Variants in TEKT5 observed in about 807,000 individuals in gnomAD.
TEKT5 encodes tektin 5.
TEKT5 carries 52 observed loss-of-function variants against 48.7 expected under a neutral mutation model. The ratio of observed to expected loss-of-function variants is 1.07; its 90% CI spans 0.86 to 1.35. TEKT5 has a LOEUF of 1.35. Among genes scored for constraint, TEKT5 ranks in the 40% most tolerant of loss-of-function variants. The probability of loss-of-function intolerance (pLI) is 0.00; values close to 1 mark genes in which losing one functional copy is unlikely to be tolerated. For missense variants in TEKT5, 831 were observed against 641.6 expected (o/e 1.30, Z -3.19); for synonymous variants, 318 against 267.6 (o/e 1.19, Z -1.84).
intron 5 of TEKT5, among the ~76,000 whole-genome samples, chr16:10,673,479 G>A (rs1898584961): frequency 6.6e-6 from 1 of 152,038 alleles, no homozygotes; most frequent in South Asian, 2.1e-4. Context: ...AATAGTTCAT[G>A]AAAGATAAAG....
chr16:10,682,049 C>T lies in TEKT5; in HGVS notation c.807G>A (p.Leu269=). ...AQCIDEKCFN[L]RNTSDCISFF... ...AGCTGATGCAGTCTGACGTATTTCT[C>T]AGGTTAAAGCACTTCTCATCGATAC... The change falls in exon 4 of 7, where the codon CTG becomes CTA. Residue 269 remains leucine (L), a synonymous_variant. Transcript: ENST00000283025. 1 of 1,614,192 alleles carries T rather than the reference C, an allele frequency of 6.2e-7. No homozygotes were observed.
At chr16:10,644,627 C>G (rs1898043309) in intron 5 of TEKT5, among the ~76,000 whole-genome samples, 2 of 152,104 alleles carry the variant, frequency 1.3e-5, no homozygotes, top group South Asian at 4.2e-4. Context: ...GTCTCCAGAC[C>G]CTATGGGGGC....
intron 5 of TEKT5, among the ~76,000 whole-genome samples, chr16:10,673,671 G>A: frequency 1.6e-5 from 2 of 123,138 alleles, no homozygotes; most frequent in South Asian, 2.7e-4. Context: ...TTTTTTTTGA[G>A]ACAGATTCTC....
Position 10,627,814 on chromosome 16 carries a change from G to T in TEKT5, c.1242-15C>A. On this transcript the variant is annotated splice_polypyrimidine_tract_variant and intron_variant, in intron 6 of 6. Transcript: ENST00000283025. ...CGTTCACCAGCCTGGGGTGAGGGCA[G>T]AGGAGAAGGCACAGGTTATTCATTT... 6.2e-7 allele frequency: 1 copy of T among 1,609,596 alleles called. No individual in the cohort carries two copies. The highest frequency in any genetic ancestry group is 8.5e-7 in the Non-Finnish European group (1 of 1,176,084).
chr16:10,649,570 G>A (rs932043131), intron 5 of TEKT5, among the ~76,000 whole-genome samples: 1 of 151,686 alleles, frequency 6.6e-6, no homozygotes, highest in Non-Finnish European at 1.5e-5. Flanking sequence ...GAGTAGCTAG[G>A]ACTACAGACG....
intron 6 of TEKT5, among the ~76,000 whole-genome samples, chr16:10,633,550 C>A (rs1897870246): frequency 6.6e-6 from 1 of 152,074 alleles, no homozygotes; most frequent in Non-Finnish European, 1.5e-5. Context: ...ACCTAGCAAG[C>A]CAGCAGCAGG....
At position 10,668,234 on chromosome 16, in the gene TEKT5, G is replaced by C. The variant is rs539604355; in HGVS notation, c.1086+7725C>G. ...TTCTATTGCTTTCCAAAGCTTCTAAGCCTGAGGCCTGATGCCTTTGTTAGA... is the reference window on the plus strand; with the variant it reads ...TTCTATTGCTTTCCAAAGCTTCTAACCCTGAGGCCTGATGCCTTTGTTAGA... On this transcript the variant is annotated intron_variant, in intron 5 of 6. Coordinates refer to ENST00000283025, the MANE Select transcript of TEKT5 (RefSeq NM_144674.2). Among the ~76,000 whole-genome samples, 237 of 152,258 alleles carry C rather than the reference G, an allele frequency of 1.6e-3. 1 individual carries two copies. Among genetic ancestry groups the C allele is most frequent in the African/African-American group, 5.5e-3 (228 of 41,552 alleles).
chr16:10,634,253 A>C (rs1040778731), intron 6 of TEKT5, among the ~76,000 whole-genome samples: 1 of 152,322 alleles, frequency 6.6e-6, no homozygotes, highest in African/African-American at 2.4e-5. Flanking sequence ...ACTCAAAAGA[A>C]GTTCAAGGGA....
chr16:10,687,668 G>A (rs1481635564), intron 3 of TEKT5, among the ~76,000 whole-genome samples: 4 of 152,242 alleles, frequency 2.6e-5, no homozygotes, highest in Admixed American at 6.5e-5. Context: ...CAGGAGAAAC[G>A]CATGAATCTG....
chr16:10,685,511 G>T (rs1001748844), intron 3 of TEKT5, among the ~76,000 whole-genome samples: 21 of 152,080 alleles, frequency 1.4e-4, no homozygotes, highest in African/African-American at 4.8e-4. Flanking sequence ...TGGCCAGACT[G>T]GTCTCGAACT....
chr16:10,629,756 C>T (rs1305477494), intron 6 of TEKT5, among the ~76,000 whole-genome samples: 1 of 56,520 alleles, frequency 1.8e-5, no homozygotes, highest in East Asian at 5.3e-4. Flanking sequence ...TCCCTGCCAG[C>T]GGCCACAGAC....
Position 10,659,151 on chromosome 16 carries a change from CCT to C in TEKT5, c.1086+16806_1086+16807del, listed in dbSNP as rs144753441. 4.3e-3 allele frequency among the ~76,000 whole-genome samples: 656 copies of C among 152,308 alleles called. 5 individuals are homozygous for C. Among genetic ancestry groups the C allele is most frequent in the African/African-American group, 0.015 (622 of 41,564 alleles). On this transcript the variant is annotated intron_variant, in intron 5 of 6. Transcript: ENST00000283025. ...GTGACAACCACATTGCGAAATATCC[CCT>C]GAGGGGATAATCACCCCATGACTGA...
At chr16:10,672,483 C>T (rs1898565452) in intron 5 of TEKT5, among the ~76,000 whole-genome samples, 1 of 152,110 alleles carries the variant, frequency 6.6e-6, no homozygotes, top group African/African-American at 2.4e-5. Context: ...GTAATCCCAG[C>T]TACTCAGGAG....
At chr16:10,656,656 T>G (rs1596407837) in intron 5 of TEKT5, among the ~76,000 whole-genome samples, 1 of 152,216 alleles carries the variant, frequency 6.6e-6, no homozygotes, top group Admixed American at 6.5e-5. Flanking sequence ...TAAACTGATG[T>G]CAAGAGGAAA....
At chr16:10,670,893 ATTTC>A (rs1330855874) in intron 5 of TEKT5, among the ~76,000 whole-genome samples, 5 of 151,672 alleles carry the variant, frequency 3.3e-5, no homozygotes, top group African/African-American at 1.2e-4. Flanking sequence ...TTATTTATTT[ATTTC>A]AACTTATTTT....
At position 10,627,707 on chromosome 16, in the gene TEKT5, A is replaced by T. The variant is rs1342732516; in HGVS notation, c.1334T>A (p.Met445Lys). The change falls in exon 7 of 7, where the codon ATG becomes AAG. Residue 445 changes from methionine to lysine, a missense_variant. Physicochemically the swap from Met to Lys is moderately conservative, Grantham distance 95. Coordinates refer to ENST00000283025, the MANE Select transcript of TEKT5 (RefSeq NM_144674.2). ...ETQDTLQLLV[M>K]TKCRLEHELA... ...CTCGTGCTCCAGCCGGCACTTGGTC[A>T]TGACCAGCAGCTGCAGCGTGTCCTG... 1 of 1,613,644 alleles carries T rather than the reference A, an allele frequency of 6.2e-7. No individual in the cohort carries two copies. The highest frequency in any genetic ancestry group is 1.3e-5 in the African/African-American group (1 of 74,940).
At position 10,636,290 on chromosome 16, in the gene TEKT5, G is replaced by A. The variant is rs536413768; in HGVS notation, c.1087-372C>T. The stretch of plus-strand genomic sequence containing the variant: ...CTCGGGGGACCGAGGCAGGAGAATC[G>A]CTTGAACCCGGGAGGCGGAGGTTGC... On this transcript the variant is annotated intron_variant, in intron 5 of 6. Coordinates refer to ENST00000283025, the MANE Select transcript of TEKT5 (RefSeq NM_144674.2). Among the ~76,000 whole-genome samples the A allele has an allele frequency of 5.7e-4, 86 of 152,048 alleles. No individual in the cohort carries two copies. The East Asian group carries it at 0.016, about 28-fold the overall frequency.
At chr16:10,690,132 A>G (rs1898942598) in intron 1 of TEKT5, 107 bp from the exon 2 acceptor site, 2 of 1,215,840 alleles carry the variant, frequency 1.6e-6, no homozygotes, top group Non-Finnish European at 2.3e-6. Flanking sequence ...TTCTCCCGGA[A>G]ACCTGGGTGC....
chr16:10,657,916 T>A (rs912499580), intron 5 of TEKT5, among the ~76,000 whole-genome samples: 1 of 152,108 alleles, frequency 6.6e-6, no homozygotes. Context: ...TTCAATTTTT[T>A]CCAACATCTT....
Sources: gnomAD v4.1 joint callset for allele counts (sites outside exome capture counted in the v4.1 genomes callset) on GRCh38, gnomAD v4.1.1 for gene constraint, MANE v1.5 for transcripts, NCBI Gene and HGNC (gene_info 2026-07-23, HGNC 2026-07-21) for gene names.